Variants in TNC observed in about 807,000 individuals in gnomAD.
TNC encodes tenascin.
TNC carries 109 observed loss-of-function variants against 202.4 expected under a neutral mutation model. The ratio of observed to expected loss-of-function variants is 0.54; its 90% CI spans 0.46 to 0.63. TNC has a LOEUF of 0.63. Ranked by LOEUF, TNC falls within the 30% of genes least tolerant of loss-of-function variation. The probability of loss-of-function intolerance (pLI) is 0.00; values close to 1 mark genes in which losing one functional copy is unlikely to be tolerated. For synonymous variants in TNC, 1,007 were observed against 1,089.7 expected, an observed-to-expected ratio of 0.92 and a Z score of 1.50; for missense variants, 2,756 against 2,833.3, an observed-to-expected ratio of 0.97 and a Z score of 0.62.
At chr9:115,082,575 G>A in intron 5 of TNC, 117 bp downstream of exon 5, 2 of 668,174 alleles carry the variant, frequency 3.0e-6, no homozygotes, top group Non-Finnish European at 5.2e-6. Flanking sequence ...ATGCTAATGA[G>A]AGCCTTGTCC....
At chr9:115,063,531 A>G (rs532494688) in intron 12 of TNC, among the ~76,000 whole-genome samples, 1 of 152,242 alleles carries the variant, frequency 6.6e-6, no homozygotes, top group South Asian at 2.1e-4. Context: ...CCAACTTTTT[A>G]GATATTGTGA....
At chr9:115,023,060 G>A (rs965559648) in intron 27 of TNC, among the ~76,000 whole-genome samples, 1 of 150,174 alleles carries the variant, frequency 6.7e-6, no homozygotes, top group South Asian at 2.1e-4. Context: ...AAAATGAGAT[G>A]CTGTGTCTTG....
chr9:115,029,380 C>A lies in TNC; in HGVS notation c.6149G>T (p.Arg2050Leu), dbSNP rs370664222. The A allele has an allele frequency of 6.2e-7, 1 of 1,614,058 alleles. No homozygotes were observed. The highest frequency in any genetic ancestry group is 8.5e-7 in the Non-Finnish European group (1 of 1,179,954). The stretch of plus-strand genomic sequence containing the variant: ...ATTACCAAGCCAGAATTCTTCTCTG[C>A]GGTCCCCAAATCCAGCAGCATATGC... ...WKAYAAGFGD[R>L]REEFWLGLDN... The change falls in exon 25 of 28, where the codon CGC becomes CTC. Residue 2050 changes from arginine (R) to leucine (L), a missense_variant. Transcript: ENST00000350763.
At chr9:115,081,976 C>T in intron 5 of TNC, 48 bp from the exon 6 acceptor site, 1 of 1,525,860 alleles carries the variant, frequency 6.6e-7, no homozygotes, top group East Asian at 2.3e-5. Flanking sequence ...GTGCCAGTCT[C>T]TTAATTTATG....
intron 1 of TNC, among the ~76,000 whole-genome samples, chr9:115,095,608 GTATATATGTA>G (rs1458130990): frequency 6.4e-4 from 1 of 1,558 alleles, no homozygotes; most frequent in African/African-American, 2.3e-3. Context: ...ATATATATAT[GTATATATGTA>G]TATATATATG....
At position 115,029,233 on chromosome 9, in the gene TNC, G is replaced by C. The variant is rs142249284; in HGVS notation, c.6169+127C>G. 6.0e-3 allele frequency: 4,529 copies of C among 752,576 alleles called. 37 individuals are homozygous for C. The highest frequency in any genetic ancestry group is 7.1e-3 in the Admixed American group (286 of 40,410). 46.6% of individuals were successfully genotyped at this position (752,576 alleles called of 1,614,324 possible). ...TTTTTCATTAAGAATTTGACATTCTGTGTCTGCCACCAGAAGTAGTTCTTC... is the reference window on the plus strand; with the variant it reads ...TTTTTCATTAAGAATTTGACATTCTCTGTCTGCCACCAGAAGTAGTTCTTC... On this transcript the variant is annotated intron_variant, in intron 25 of 27. Transcript: ENST00000350763.
chr9:115,065,901 CA>C (rs35177151), intron 10 of TNC, among the ~76,000 whole-genome samples: 10,025 of 46,966 alleles, frequency 0.21, 102 homozygotes, highest in Non-Finnish European at 0.26. Flanking sequence ...GACTCCATCT[CA>C]AAAAAAAAAA....
rs551125593 is a variant in TNC at position 115,023,198 on chromosome 9, G to A, written c.6495+775C>T. 2.4e-4 allele frequency among the ~76,000 whole-genome samples: 36 copies of A among 152,266 alleles called. No homozygotes were observed. The South Asian group carries it at 4.6e-3, about 19-fold the overall frequency. ...GCATCCTTGTGGTCCAGGGATCAGC[G>A]TGGTGTGGCCCCAAGGGAAGATCCA... On this transcript the variant is annotated intron_variant, in intron 27 of 27. Transcript: ENST00000350763.
In TNC at chr9:115,041,124, C is replaced by T. The variant is rs754485786; in HGVS notation, c.5249-40G>A. On this transcript the variant is annotated intron_variant, in intron 18 of 27. Coordinates refer to ENST00000350763, the MANE Select transcript of TNC (RefSeq NM_002160.4). The stretch of plus-strand genomic sequence containing the variant: ...AAGCAAGATGAGGAATAATGAACCT[C>T]ACTGACACTTATTCACTGTTGCCCC... 8 of 1,577,228 alleles carry T rather than the reference C, an allele frequency of 5.1e-6. No homozygotes were observed. In the South Asian group the frequency reaches 9.2e-5, roughly 18 times the overall value.
intron 15 of TNC, among the ~76,000 whole-genome samples, chr9:115,049,704 A>T (rs1007161303): frequency 6.6e-6 from 1 of 151,332 alleles, no homozygotes; most frequent in Non-Finnish European, 1.5e-5. Flanking sequence ...GAAGAAAAAA[A>T]GGAGACAGGA....
At chr9:115,100,313 C>A (rs931401750) in intron 1 of TNC, among the ~76,000 whole-genome samples, 1 of 152,192 alleles carries the variant, frequency 6.6e-6, no homozygotes, top group Non-Finnish European at 1.5e-5. Flanking sequence ...CAAAACACTT[C>A]ATTCTAGTGC....
chr9:115,070,340 T>C (rs1041769641), intron 10 of TNC, among the ~76,000 whole-genome samples: 2 of 151,522 alleles, frequency 1.3e-5, no homozygotes, highest in African/African-American at 4.9e-5. Context: ...ATCCAGGGAG[T>C]GGGAGCAGCA....
In TNC at chr9:115,063,788, T is replaced by C; in HGVS notation, c.3760+8A>G. 6.2e-7 allele frequency: 1 copy of C among 1,605,572 alleles called. No individual in the cohort carries two copies. Among genetic ancestry groups the C allele is most frequent in the Non-Finnish European group, 8.5e-7 (1 of 1,173,126 alleles). Reference sequence around the variant, plus strand: ...GAGGAAGTGAATTAGTGAATTCGTCTAGAATACCTGTCAAGACTTCAACAG... The same window carrying C: ...GAGGAAGTGAATTAGTGAATTCGTCCAGAATACCTGTCAAGACTTCAACAG... On this transcript the variant is annotated splice_region_variant and intron_variant, in intron 12 of 27. Transcript: ENST00000350763.
chr9:115,023,037 C>CAAAAA (rs112725157), intron 27 of TNC, among the ~76,000 whole-genome samples: 2 of 122,170 alleles, frequency 1.6e-5, no homozygotes, highest in Admixed American at 1.7e-4. Flanking sequence ...TGCAAATATG[C>CAAAAA]AAAAAAAAAA....
chr9:115,073,764 T>A lies in TNC; in HGVS notation c.3053A>T (p.Asn1018Ile). The A allele has an allele frequency of 1.2e-6, 2 of 1,614,152 alleles. No individual in the cohort carries two copies. The highest frequency in any genetic ancestry group is 1.7e-6 in the Non-Finnish European group (2 of 1,180,026). The change falls in exon 10 of 28, where the codon AAT becomes ATT. Residue 1018 changes from asparagine (N) to isoleucine (I), a missense_variant. By Grantham distance (149) the Asn-to-Ile change is moderately radical. Coordinates refer to ENST00000350763, the MANE Select transcript of TNC (RefSeq NM_002160.4). ...CCACTGGCCTGTGGGGAGACTGTAA[T>A]TGAGGCGGTAGCGGTCAAATTTGGC... ...PLAKFDRYRL[N>I]YSLPTGQWVG...
intron 21 of TNC, 58 bp downstream of exon 21, chr9:115,036,040 G>A (rs1830295900): frequency 1.9e-6 from 3 of 1,598,468 alleles, no homozygotes; most frequent in African/African-American, 1.3e-5. Context: ...TGTTTAAGAT[G>A]CAGGCTGTGG....
chr9:115,039,066 G>A (rs1402460747), intron 19 of TNC, among the ~76,000 whole-genome samples: 2 of 152,080 alleles, frequency 1.3e-5, no homozygotes, highest in Admixed American at 6.5e-5. Flanking sequence ...CTGACCTCAG[G>A]TGATCCACCT....
At chr9:115,079,387 T>C (rs760713375) in intron 6 of TNC, among the ~76,000 whole-genome samples, 19 of 152,178 alleles carry the variant, frequency 1.2e-4, no homozygotes, top group Non-Finnish European at 2.5e-4. Flanking sequence ...GACACATCAG[T>C]CCCAGCTCAC....
intron 10 of TNC, among the ~76,000 whole-genome samples, chr9:115,066,407 A>G (rs1832954961): frequency 6.6e-6 from 1 of 152,248 alleles, no homozygotes; most frequent in South Asian, 2.1e-4. Flanking sequence ...CATTGCTGCT[A>G]ATTTCAAATG....
Sources: gnomAD v4.1 joint callset for allele counts (sites outside exome capture counted in the v4.1 genomes callset) on GRCh38, gnomAD v4.1.1 for gene constraint, MANE v1.5 for transcripts, NCBI Gene and HGNC (gene_info 2026-07-23, HGNC 2026-07-21) for gene names.